The following TRIM38 variants were observed in gnomAD, a reference collection of about 807,000 sequenced individuals.
TRIM38 encodes the protein E3 ubiquitin-protein ligase TRIM38.
A neutral mutation model predicts 35.8 loss-of-function variants in TRIM38; 35 were observed. That is an observed-to-expected ratio of 0.98 (90% CI 0.75 to 1.30). TRIM38 has a LOEUF of 1.30. Among genes scored for constraint, TRIM38 ranks in the 50% most tolerant of loss-of-function variants. The probability of loss-of-function intolerance (pLI) is 0.00; values close to 1 mark genes in which losing one functional copy is unlikely to be tolerated. For missense variants in TRIM38, 545 were observed against 556.9 expected, an observed-to-expected ratio of 0.98 and a Z score of 0.21; for synonymous variants, 198 against 204.7, an observed-to-expected ratio of 0.97 and a Z score of 0.28.
At position 25,966,765 on chromosome 6, in the gene TRIM38, T is replaced by C. The variant is rs1163407369; in HGVS notation, c.243T>C (p.Ile81=). The C allele has an allele frequency of 6.2e-7, 1 of 1,614,164 alleles. No homozygotes were observed. The highest frequency in any genetic ancestry group is 8.5e-7 in the Non-Finnish European group (1 of 1,180,032). Residue 81 remains isoleucine (I), a synonymous_variant, in exon 3 of 8, where the codon ATT becomes ATC. Transcript: ENST00000357085. The part of the protein sequence containing the change: ...LRPNKQLGSL[I]EALKETDQEM... ...CCAACAAGCAGCTGGGAAGCCTCAT[T>C]GAAGCCCTCAAAGAGACGGATCAAG...
Position 25,980,663 on chromosome 6 carries a change from C to T in TRIM38, c.875-2501C>T, listed in dbSNP as rs138299019. On this transcript the variant is annotated intron_variant, in intron 7 of 7. Transcript: ENST00000357085. ...CTTGAACTCCTGGCTTCAAGTGATC[C>T]GCCTGCCTTGGCCTCCCAAAGTGCT... 1.2e-3 allele frequency among the ~76,000 whole-genome samples: 181 copies of T among 152,294 alleles called. 1 individual carries two copies. The highest frequency in any genetic ancestry group is 4.1e-3 in the African/African-American group (170 of 41,572).
Position 25,984,495 on chromosome 6 carries a change from T to A in TRIM38, c.*808T>A, listed in dbSNP as rs114233662. ...GACCAAATTACCATACCCGAGTGAG[T>A]AATGACAGGACTACAACTAAAACAT... On this transcript the variant is annotated 3_prime_UTR_variant, in exon 8 of 8. Transcript: ENST00000357085. 2 of 152,232 alleles carry A rather than the reference T, an allele frequency of 1.3e-5. No individual in the cohort carries two copies. The highest frequency in any genetic ancestry group is 4.8e-5 in the African/African-American group (2 of 41,412). The allele number at this position is 152,232 out of a possible 1,614,324, so 9.4% of individuals were successfully genotyped here.
rs1343140572 is a variant in TRIM38 at position 25,971,850 on chromosome 6, C to G, written c.508-19C>G. ...ATTTGGTTTACTTCCACCTTTTGACCATACTTTCTTGACTCCAGGAGAAGG... is the reference window on the plus strand; with the variant it reads ...ATTTGGTTTACTTCCACCTTTTGACGATACTTTCTTGACTCCAGGAGAAGG... On this transcript the variant is annotated intron_variant, in intron 4 of 7. Coordinates refer to ENST00000357085, the MANE Select transcript of TRIM38 (RefSeq NM_006355.5). 2 of 1,605,124 alleles carry G rather than the reference C, an allele frequency of 1.2e-6. No individual in the cohort carries two copies. The highest frequency in any genetic ancestry group is 4.5e-5 in the East Asian group (2 of 44,794).
intron 3 of TRIM38, among the ~76,000 whole-genome samples, chr6:25,967,761 C>T (rs375154457): frequency 1.3e-5 from 2 of 151,666 alleles, no homozygotes; most frequent in East Asian, 1.9e-4. Context: ...GGCCTCAAAC[C>T]CCTGGTCTCC....
intron 2 of TRIM38, among the ~76,000 whole-genome samples, chr6:25,966,110 T>C (rs1290621594): frequency 6.6e-6 from 1 of 152,140 alleles, no homozygotes; most frequent in African/African-American, 2.4e-5. Flanking sequence ...ACCTACATAT[T>C]CCCGAGATTT....
chr6:25,972,668 C>T (rs1295058032), intron 5 of TRIM38, among the ~76,000 whole-genome samples: 1 of 152,174 alleles, frequency 6.6e-6, no homozygotes, highest in Non-Finnish European at 1.5e-5. Flanking sequence ...ACAGATTCAC[C>T]ACTAAGGACC....
At chr6:25,970,711 T>C (rs1161857318) in intron 4 of TRIM38, among the ~76,000 whole-genome samples, 1 of 152,328 alleles carries the variant, frequency 6.6e-6, no homozygotes. Context: ...TTCTATATCA[T>C]AGTCATCAAA....
chr6:25,973,264 A>G lies in TRIM38; in HGVS notation c.853A>G (p.Lys285Glu). Residue 285 changes from lysine (K) to glutamate (E), a missense_variant, in exon 7 of 8, where the codon AAA (lysine) becomes GAA (glutamate). Physicochemically the swap from Lys to Glu is moderately conservative, Grantham distance 56. Coordinates refer to ENST00000357085, the MANE Select transcript of TRIM38 (RefSeq NM_006355.5). ...NVSKLYFDVK[K>E]MLRSHQVSVT... ...TTCCAAGCTTTACTTCGATGTGAAG[A>G]AAATGTTAAGGAGTCATCAAGGTAT... 1.2e-6 allele frequency: 2 copies of G among 1,613,858 alleles called. No homozygotes were observed. The highest frequency in any genetic ancestry group is 1.7e-6 in the Non-Finnish European group (2 of 1,179,994).
In TRIM38 at chr6:25,988,547, G is replaced by C. The variant is rs1255453777; in HGVS notation, c.*4860G>C. 1 of 102,202 alleles carries C rather than the reference G, an allele frequency of 9.8e-6. No homozygotes were observed. The highest frequency in any genetic ancestry group is 1.6e-4 in the Admixed American group (1 of 6,442). 6.3% of individuals were successfully genotyped at this position (102,202 alleles called of 1,614,324 possible). A position where few individuals can be genotyped will look rare whatever the true frequency, so the allele number is the denominator to read the frequency against. On this transcript the variant is annotated 3_prime_UTR_variant, in exon 8 of 8. Transcript: ENST00000357085. ...GGAGTCTTGCTCTGTTGCCCAGGCTGAAGTGCAGTGGCACTGGCTCACTGC... is the reference window on the plus strand; with the variant it reads ...GGAGTCTTGCTCTGTTGCCCAGGCTCAAGTGCAGTGGCACTGGCTCACTGC...
Position 25,966,805 on chromosome 6 carries a change from G to A in TRIM38, c.283G>A (p.Glu95Lys), listed in dbSNP as rs1185138934. 1.9e-6 allele frequency: 3 copies of A among 1,614,208 alleles called. No homozygotes were observed. The highest frequency in any genetic ancestry group is 2.2e-5 in the South Asian group (2 of 91,088). ...KETDQEMSCEEHGEQFHLFCE... is the reference protein window; with the variant it reads ...KETDQEMSCEKHGEQFHLFCE... Reference sequence around the variant, plus strand: ...GACGGATCAAGAAATGTCATGTGAGGAACACGGAGAGCAGTTCCACCTGTT... The same window carrying A: ...GACGGATCAAGAAATGTCATGTGAGAAACACGGAGAGCAGTTCCACCTGTT... Residue 95 changes from glutamate to lysine, a missense_variant, in exon 3 of 8, where the codon GAA becomes AAA. Coordinates refer to ENST00000357085, the MANE Select transcript of TRIM38 (RefSeq NM_006355.5).
At chr6:25,980,423 C>CT (rs1228527323) in intron 7 of TRIM38, among the ~76,000 whole-genome samples, 2,991 of 140,562 alleles carry the variant, frequency 0.021, 45 homozygotes, top group African/African-American at 0.047. Context: ...TTCATTCTTT[C>CT]TTTTTTTTTT....
At position 25,988,080 on chromosome 6, in the gene TRIM38, A is replaced by C. The variant is rs1286857366; in HGVS notation, c.*4393A>C. On this transcript the variant is annotated 3_prime_UTR_variant, in exon 8 of 8. Coordinates refer to ENST00000357085, the MANE Select transcript of TRIM38 (RefSeq NM_006355.5). ...TTCGTTGCCATGGCAACAACAGGACATTATCGACTTCTTTCCTCTGTACCT... is the reference window on the plus strand; with the variant it reads ...TTCGTTGCCATGGCAACAACAGGACCTTATCGACTTCTTTCCTCTGTACCT... The C allele has an allele frequency of 6.6e-6, 1 of 152,344 alleles. No homozygotes were observed. The highest frequency in any genetic ancestry group is 2.4e-5 in the African/African-American group (1 of 41,580). The allele number at this position is 152,344 out of a possible 1,614,324, so 9.4% of individuals were successfully genotyped here.
At position 25,987,535 on chromosome 6, in the gene TRIM38, A is replaced by G. The variant is rs1760748117; in HGVS notation, c.*3848A>G. The G allele has an allele frequency of 6.6e-6, 1 of 152,216 alleles. No individual in the cohort carries two copies. Among genetic ancestry groups the G allele is most frequent in the African/African-American group, 2.4e-5 (1 of 41,446 alleles). 9.4% of individuals were successfully genotyped at this position (152,216 alleles called of 1,614,324 possible). ...ACTATCACCCAAAGAGCCCACCTCC[A>G]AAGACCATCACATTGAATGTGAGAG... On this transcript the variant is annotated 3_prime_UTR_variant, in exon 8 of 8. Transcript: ENST00000357085.
chr6:25,978,784 A>G (rs769081249), intron 7 of TRIM38, among the ~76,000 whole-genome samples: 10 of 152,108 alleles, frequency 6.6e-5, no homozygotes, highest in Non-Finnish European at 7.4e-5. Context: ...CTCTCACCTC[A>G]GCTTCCCGAG....
chr6:25,974,847 A>G (rs1760342826), intron 7 of TRIM38: 2 of 975,658 alleles, frequency 2.0e-6, no homozygotes, highest in Admixed American at 6.2e-5. Context: ...CCCCTCAAAT[A>G]CACAACAACA....
At chr6:25,968,855 T>A (rs1175123066) in intron 3 of TRIM38, among the ~76,000 whole-genome samples, 1 of 152,246 alleles carries the variant, frequency 6.6e-6, no homozygotes, top group Non-Finnish European at 1.5e-5. Context: ...TCCTGACTCA[T>A]AAGACACAAA....
chr6:25,963,560 C>G (rs1759918830), intron 2 of TRIM38, among the ~76,000 whole-genome samples: 1 of 152,150 alleles, frequency 6.6e-6, no homozygotes, highest in South Asian at 2.1e-4. Flanking sequence ...TCACTCTGAA[C>G]ATGTCTCTTG....
intron 5 of TRIM38, 78 bp downstream of exon 5, chr6:25,972,177 A>G: frequency 7.6e-7 from 1 of 1,307,284 alleles, no homozygotes; most frequent in Non-Finnish European, 1.1e-6. Context: ...AAGCATGGGA[A>G]GATAAAGTAA....
intron 7 of TRIM38, 136 bp from the exon 8 acceptor site, chr6:25,983,028 G>A: frequency 1.3e-6 from 1 of 753,640 alleles, no homozygotes; most frequent in Non-Finnish European, 2.0e-6. Flanking sequence ...GGTGGAGGTT[G>A]CAGTGAGTTG....
Sources: allele counts gnomAD v4.1 joint callset (sites outside exome capture counted in the v4.1 genomes callset), GRCh38; gene constraint gnomAD v4.1.1; transcripts MANE v1.5; gene names NCBI Gene and HGNC (gene_info 2026-07-23, HGNC 2026-07-21).